The following RARB variants were observed in gnomAD, a reference collection of about 807,000 sequenced individuals.
The protein encoded by RARB is retinoic acid receptor beta.
RARB carries 17 observed loss-of-function variants against 51.9 expected under a neutral mutation model. The observed-to-expected ratio is 0.33, with a 90% CI of 0.22 to 0.49. The LOEUF (loss-of-function observed/expected upper bound fraction) is 0.49. RARB is among the 20% of genes least tolerant of loss of function. The pLI is 0.99. For missense variants in RARB, 369 were observed against 550.8 expected, an observed-to-expected ratio of 0.67 and a Z score of 3.30; for synonymous variants, 215 against 195.4, an observed-to-expected ratio of 1.10 and a Z score of -0.84.
At chr3:24,846,953 T>C (rs1702492579) in intron 1 of RARB, among the ~76,000 whole-genome samples, 1 of 152,004 alleles carries the variant, frequency 6.6e-6, no homozygotes, top group African/African-American at 2.4e-5. Flanking sequence ...ATACACAGGA[T>C]GCAGATTCAG....
intron 4 of RARB, among the ~76,000 whole-genome samples, chr3:25,579,385 G>C (rs144774853): frequency 6.6e-6 from 1 of 152,078 alleles, no homozygotes; most frequent in Non-Finnish European, 1.5e-5. Flanking sequence ...CTGCCTTCCC[G>C]CTCCTGGAAA....
intron 2 of RARB, among the ~76,000 whole-genome samples, chr3:25,484,910 CTT>C (rs1696387252): frequency 6.6e-6 from 1 of 152,040 alleles, no homozygotes; most frequent in African/African-American, 2.4e-5. Flanking sequence ...TAAAACATGA[CTT>C]TTCATTTTTG....
intron 2 of RARB, among the ~76,000 whole-genome samples, chr3:24,916,992 T>C (rs1695120634): frequency 6.6e-6 from 1 of 152,202 alleles, no homozygotes; most frequent in Admixed American, 6.5e-5. Context: ...TATGAAGTTT[T>C]TGTGAATTTG....
intron 5 of RARB, among the ~76,000 whole-genome samples, chr3:25,198,571 T>A (rs1206321905): frequency 6.6e-6 from 1 of 151,970 alleles, no homozygotes; most frequent in Non-Finnish European, 1.5e-5. Flanking sequence ...GAAAAACTAT[T>A]GTAAATAGTA....
intron 1 of RARB, among the ~76,000 whole-genome samples, chr3:25,458,659 A>G (rs568747052): frequency 2.6e-5 from 4 of 152,338 alleles, no homozygotes; most frequent in Middle Eastern, 3.4e-3. Flanking sequence ...AATGTACTCA[A>G]GATTGATATC....
chr3:24,853,989 T>C (rs917621894), intron 1 of RARB, among the ~76,000 whole-genome samples: 3 of 152,228 alleles, frequency 2.0e-5, no homozygotes. Flanking sequence ...AAGGATCAGA[T>C]TGAAGAACTA....
At chr3:25,047,651 C>G (rs573209411) in intron 2 of RARB, among the ~76,000 whole-genome samples, 3 of 152,332 alleles carry the variant, frequency 2.0e-5, no homozygotes, top group African/African-American at 7.2e-5. Context: ...CTCTCAATCA[C>G]TCAATACAGT....
At chr3:24,866,694 G>T (rs1301393827) in intron 2 of RARB, among the ~76,000 whole-genome samples, 1 of 152,112 alleles carries the variant, frequency 6.6e-6, no homozygotes, top group African/African-American at 2.4e-5. Context: ...TTTCCTTCTT[G>T]CTTTTCAGTT....
At chr3:25,133,847 G>GA (rs1699991495) in intron 4 of RARB, among the ~76,000 whole-genome samples, 1 of 149,334 alleles carries the variant, frequency 6.7e-6, no homozygotes, top group African/African-American at 2.5e-5. Flanking sequence ...AAGGATTTAA[G>GA]AAAAATGAGT....
intron 5 of RARB, among the ~76,000 whole-genome samples, chr3:25,185,808 A>C (rs1222513132): frequency 6.6e-6 from 1 of 152,126 alleles, no homozygotes; most frequent in Non-Finnish European, 1.5e-5. Flanking sequence ...TCCAGAACTA[A>C]AGCCAAATAA....
At chr3:25,271,463 G>A (rs1241974147) in intron 5 of RARB, among the ~76,000 whole-genome samples, 1 of 152,152 alleles carries the variant, frequency 6.6e-6, no homozygotes, top group Non-Finnish European at 1.5e-5. Flanking sequence ...ACGTTCCTTG[G>A]CCAAAGGCAT....
intron 5 of RARB, among the ~76,000 whole-genome samples, chr3:25,357,263 C>T (rs1016779414): frequency 1.3e-5 from 2 of 152,186 alleles, no homozygotes; most frequent in African/African-American, 4.8e-5. Flanking sequence ...CTTTAATGAC[C>T]AGTGATAATG....
chr3:25,263,834 G>A (rs189776615), intron 5 of RARB, among the ~76,000 whole-genome samples: 19 of 152,220 alleles, frequency 1.2e-4, no homozygotes, highest in Admixed American at 9.2e-4. Flanking sequence ...TGTCTCTGGG[G>A]GACACACTGA....
At chr3:25,241,973 G>C (rs1031397602) in intron 5 of RARB, among the ~76,000 whole-genome samples, 2 of 152,158 alleles carry the variant, frequency 1.3e-5, no homozygotes, top group Non-Finnish European at 2.9e-5. Context: ...TCCAGCATCT[G>C]TTGTTTCCTG....
intron 1 of RARB, among the ~76,000 whole-genome samples, chr3:24,849,840 G>A (rs950670720): frequency 6.6e-6 from 1 of 152,216 alleles, no homozygotes; most frequent in Non-Finnish European, 1.5e-5. Flanking sequence ...ACTTGGCTTA[G>A]TGTAGATGGA....
intron 3 of RARB, among the ~76,000 whole-genome samples, chr3:25,069,544 A>G (rs1241813513): frequency 6.6e-6 from 1 of 152,300 alleles, no homozygotes; most frequent in East Asian, 1.9e-4. Context: ...TCCCAGAGTG[A>G]TCTTGTTCCC....
chr3:25,335,644 T>A (rs1003523998), intron 5 of RARB, among the ~76,000 whole-genome samples: 1 of 152,232 alleles, frequency 6.6e-6, no homozygotes, highest in African/African-American at 2.4e-5. Flanking sequence ...GAAAGGCCAC[T>A]GTGAGTTCAC....
chr3:25,323,333 G>A (rs1489863450), intron 5 of RARB, among the ~76,000 whole-genome samples: 3 of 152,188 alleles, frequency 2.0e-5, no homozygotes, highest in Admixed American at 1.3e-4. Context: ...TGGGATAAGA[G>A]CAATTGCTGT....
intron 5 of RARB, among the ~76,000 whole-genome samples, chr3:25,358,816 C>G (rs999042711): frequency 5.9e-5 from 9 of 152,112 alleles, no homozygotes; most frequent in African/African-American, 1.4e-4. Context: ...GCCTTGCATC[C>G]CGGGGATGAA....
Sources: allele counts gnomAD v4.1 joint callset (sites outside exome capture counted in the v4.1 genomes callset), GRCh38; gene constraint gnomAD v4.1.1; transcripts MANE v1.5; gene names NCBI Gene and HGNC (gene_info 2026-07-23, HGNC 2026-07-21).